GRM7: variants seen among roughly 807,000 people sequenced by gnomAD.
GRM7 encodes glutamate metabotropic receptor 7.
GRM7 carries 35 observed loss-of-function variants against 84.5 expected under a neutral mutation model. The observed-to-expected ratio is 0.41, with a 90% CI of 0.32 to 0.55. GRM7 has a LOEUF of 0.55. Among genes scored for constraint, GRM7 ranks in the 20% least tolerant of loss-of-function variants. The probability of loss-of-function intolerance (pLI) is 0.19; values close to 1 mark genes in which losing one functional copy is unlikely to be tolerated. For synonymous variants in GRM7, 487 were observed against 455.1 expected, an observed-to-expected ratio of 1.07 and a Z score of -0.89; for missense variants, 1,003 against 1,194.6, an observed-to-expected ratio of 0.84 and a Z score of 2.36.
chr3:7,268,398 G>GTGAGCCATGAT (rs970199611), intron 2 of GRM7, among the ~76,000 whole-genome samples: 10 of 152,198 alleles, frequency 6.6e-5, no homozygotes, highest in African/African-American at 2.2e-4. Context: ...CAAGGCTGCA[G>GTGAGCCATGAT]TGAGCCATGA....
chr3:7,107,206 G>A (rs889774037), intron 1 of GRM7, among the ~76,000 whole-genome samples: 7 of 152,002 alleles, frequency 4.6e-5, no homozygotes, highest in Non-Finnish European at 7.4e-5. Flanking sequence ...AAACAGTGGA[G>A]AGCAAAACAG....
intron 2 of GRM7, among the ~76,000 whole-genome samples, chr3:7,172,234 C>T (rs1269965906): frequency 2.0e-5 from 3 of 151,982 alleles, no homozygotes; most frequent in African/African-American, 7.3e-5. Context: ...AAAATGAGAG[C>T]TAAATCTGGG....
intron 1 of GRM7, among the ~76,000 whole-genome samples, chr3:7,129,420 C>T (rs550203558): frequency 2.0e-5 from 3 of 152,040 alleles, no homozygotes; most frequent in African/African-American, 4.8e-5. Flanking sequence ...CTTTCTTAGT[C>T]GAAGAACTAA....
intron 9 of GRM7, among the ~76,000 whole-genome samples, chr3:7,704,917 G>T (rs975508947): frequency 2.6e-5 from 4 of 152,110 alleles, no homozygotes; most frequent in African/African-American, 9.7e-5. Context: ...GCAAGAGCTG[G>T]ATATCATTAA....
At position 7,536,091 on chromosome 3, in the gene GRM7, C is replaced by A. The variant is rs913624128; in HGVS notation, c.1516-42331C>A. ...TATGTTTGTAAGTCTTTTTAACCCA[C>A]TCCTAGTACCAAAAGTGTGTGGTGG... On this transcript the variant is annotated intron_variant, in intron 7 of 9. Coordinates refer to ENST00000357716, the MANE Select transcript of GRM7 (RefSeq NM_000844.4). 5.3e-5 allele frequency among the ~76,000 whole-genome samples: 8 copies of A among 152,302 alleles called. No homozygotes were observed. In the Middle Eastern group the frequency reaches 0.024, roughly 453 times the overall value.
chr3:7,252,140 G>A (rs546199435), intron 2 of GRM7, among the ~76,000 whole-genome samples: 46 of 152,266 alleles, frequency 3.0e-4, no homozygotes, highest in African/African-American at 1.1e-3. Context: ...GATAGCGAAA[G>A]AGGGAGGAGA....
At chr3:7,238,017 C>A (rs960297445) in intron 2 of GRM7, among the ~76,000 whole-genome samples, 1 of 152,130 alleles carries the variant, frequency 6.6e-6, no homozygotes, top group Admixed American at 6.5e-5. Context: ...TCCAAGTCTC[C>A]ACCTGACCCA....
At chr3:7,724,574 C>G (rs162798) in intron 9 of GRM7, among the ~76,000 whole-genome samples, 2,193 of 152,132 alleles carry the variant, frequency 0.014, 85 homozygotes, top group East Asian at 0.12. Flanking sequence ...AAGGACAACA[C>G]TGTCAGTTTC....
At chr3:7,630,276 T>G (rs1370012058) in intron 8 of GRM7, among the ~76,000 whole-genome samples, 1 of 151,876 alleles carries the variant, frequency 6.6e-6, no homozygotes, top group African/African-American at 2.4e-5. Flanking sequence ...TTCTGCCCAT[T>G]CTATTAAGCT....
intron 2 of GRM7, among the ~76,000 whole-genome samples, chr3:7,238,379 G>A (rs376635316): frequency 2.6e-5 from 4 of 152,130 alleles, no homozygotes; most frequent in Non-Finnish European, 4.4e-5. Flanking sequence ...GGACAAGTCC[G>A]AATCTACCTT....
At chr3:7,665,104 G>T (rs952860840) in intron 8 of GRM7, among the ~76,000 whole-genome samples, 3 of 151,648 alleles carry the variant, frequency 2.0e-5, no homozygotes, top group Non-Finnish European at 2.9e-5. Flanking sequence ...TTGACAAAAG[G>T]TTGTATTTGG....
intron 1 of GRM7, among the ~76,000 whole-genome samples, chr3:6,903,580 C>T (rs776341608): frequency 1.3e-5 from 2 of 152,152 alleles, no homozygotes; most frequent in South Asian, 4.1e-4. Flanking sequence ...CTCAACATTT[C>T]ACTTCCATTA....
intron 1 of GRM7, among the ~76,000 whole-genome samples, chr3:7,081,598 C>T (rs951744234): frequency 2.0e-5 from 3 of 152,050 alleles, no homozygotes; most frequent in Non-Finnish European, 2.9e-5. Context: ...ACACATCTCT[C>T]ACTTTAAATC....
chr3:7,481,412 A>G (rs1346531169), intron 7 of GRM7, among the ~76,000 whole-genome samples: 1 of 152,170 alleles, frequency 6.6e-6, no homozygotes, highest in Non-Finnish European at 1.5e-5. Context: ...TTTATATATC[A>G]GCCTCCATAA....
chr3:7,174,555 A>G (rs1695083490), intron 2 of GRM7, among the ~76,000 whole-genome samples: 1 of 152,184 alleles, frequency 6.6e-6, no homozygotes, highest in African/African-American at 2.4e-5. Flanking sequence ...GGCTGACTAC[A>G]ATAAAAGTTT....
At chr3:7,136,525 T>C (rs1390089073) in intron 1 of GRM7, among the ~76,000 whole-genome samples, 5 of 146,130 alleles carry the variant, frequency 3.4e-5, no homozygotes, top group African/African-American at 8.2e-5. Context: ...TTCTTTCTCC[T>C]ACATTCCCCA....
At position 6,937,576 on chromosome 3, in the gene GRM7, T is replaced by C. The variant is rs147180875; in HGVS notation, c.519+75669T>C. Among the ~76,000 whole-genome samples the C allele has an allele frequency of 3.5e-3, 540 of 152,292 alleles. 9 individuals carry two copies. Among genetic ancestry groups the C allele is most frequent in the African/African-American group, 0.012 (516 of 41,558 alleles). Reference sequence around the variant, plus strand: ...AGGAATGATCCTGATTGGTAACCATTGAAAATTCTCTCCCACAGGGAAGGA... The same window carrying C: ...AGGAATGATCCTGATTGGTAACCATCGAAAATTCTCTCCCACAGGGAAGGA... On this transcript the variant is annotated intron_variant, in intron 1 of 9. Transcript: ENST00000357716.
chr3:7,358,898 A>T (rs1272720496), intron 4 of GRM7, among the ~76,000 whole-genome samples: 1 of 152,096 alleles, frequency 6.6e-6, no homozygotes, highest in East Asian at 1.9e-4. Context: ...CAGGCAGATG[A>T]ATTGAGGTCA....
intron 2 of GRM7, among the ~76,000 whole-genome samples, chr3:7,150,325 T>C (rs1694245862): frequency 6.6e-6 from 1 of 152,086 alleles, no homozygotes; most frequent in South Asian, 2.1e-4. Context: ...GCCTAAAGCA[T>C]CTCCACCATG....
Sources: allele counts gnomAD v4.1 joint callset (sites outside exome capture counted in the v4.1 genomes callset), GRCh38; gene constraint gnomAD v4.1.1; transcripts MANE v1.5; gene names NCBI Gene and HGNC (gene_info 2026-07-23, HGNC 2026-07-21).